Variants in CRHR1 observed in about 807,000 individuals in gnomAD.
CRHR1 encodes corticotropin releasing hormone receptor 1.
CRHR1 carries 28 observed loss-of-function variants against 56.0 expected under a neutral mutation model. The ratio of observed to expected loss-of-function variants is 0.50; its 90% CI spans 0.37 to 0.69. CRHR1 has a LOEUF of 0.69. CRHR1 is among the 30% of genes least tolerant of loss of function. The pLI is 0.00. For missense variants in CRHR1, 376 were observed against 548.0 expected, an observed-to-expected ratio of 0.69 and a Z score of 3.13; for synonymous variants, 195 against 216.5, an observed-to-expected ratio of 0.90 and a Z score of 0.87.
chr17:45,831,741 A>G (rs2143252337), intron 8 of CRHR1, among the ~76,000 whole-genome samples: 1 of 152,316 alleles, frequency 6.6e-6, no homozygotes, highest in South Asian at 2.1e-4. Flanking sequence ...GTGGACATGG[A>G]TGGCAGGGGA....
rs1436481134 is a variant in CRHR1 at position 45,784,660 on chromosome 17, TG to T, written c.33+88del. ...GGACGGGGCTGGGCTGTGGGTGTGA[TG>T]GGGGCGGGGGCGCTGGGAGAGCCGT... On this transcript the variant is annotated intron_variant, in intron 1 of 12. Coordinates refer to ENST00000314537, the MANE Select transcript of CRHR1 (RefSeq NM_004382.5). This position sits in a 1 kb window ranked among gnomAD's most constrained non-coding sequence, Gnocchi z 4.2. The T allele has an allele frequency of 7.9e-6, 11 of 1,387,762 alleles. No homozygotes were observed. The highest frequency in any genetic ancestry group is 1.4e-5 in the South Asian group (1 of 70,036). The allele number at this position is 1,387,762 out of a possible 1,614,324, so 86.0% of individuals were successfully genotyped here. A position where few individuals can be genotyped will look rare whatever the true frequency, so the allele number is the denominator to read the frequency against.
intron 3 of CRHR1, among the ~76,000 whole-genome samples, chr17:45,818,623 G>C (rs1355916020): frequency 3.3e-5 from 5 of 152,202 alleles, no homozygotes. Context: ...CTCGACATGG[G>C]GTCAGTCTGT....
chr17:45,784,488 C>T lies in CRHR1; in HGVS notation c.-57C>T, dbSNP rs1458614971. The T allele has an allele frequency of 1.0e-5, 15 of 1,492,960 alleles. No homozygotes were observed. The Admixed American group carries it at 1.1e-4, about 11-fold the overall frequency. The allele number at this position is 1,492,960 out of a possible 1,614,324, so 92.5% of individuals were successfully genotyped here. A position where few individuals can be genotyped will look rare whatever the true frequency, so the allele number is the denominator to read the frequency against. ...CCGAGCCCGCAGCCGCCCGCCGGTCCCTCTGGGATGTCCGTAGGACCCGGG... is the reference window on the plus strand; with the variant it reads ...CCGAGCCCGCAGCCGCCCGCCGGTCTCTCTGGGATGTCCGTAGGACCCGGG... On this transcript the variant is annotated 5_prime_UTR_variant, in exon 1 of 13. Transcript: ENST00000314537. The surrounding 1 kb of genome is among the most constrained non-coding windows in gnomAD (Gnocchi z 4.2).
intron 1 of CRHR1, among the ~76,000 whole-genome samples, chr17:45,788,225 G>T (rs1411180103): frequency 6.6e-6 from 1 of 152,214 alleles, no homozygotes; most frequent in African/African-American, 2.4e-5. Context: ...AAGACCATCA[G>T]CCTGGGAGTC....
intron 1 of CRHR1, among the ~76,000 whole-genome samples, chr17:45,797,876 A>C (rs1316229615): frequency 6.6e-6 from 1 of 152,168 alleles, no homozygotes; most frequent in Non-Finnish European, 1.5e-5. Context: ...AGATGAGGTA[A>C]CTGAGGTGGG....
intron 1 of CRHR1, among the ~76,000 whole-genome samples, chr17:45,805,768 C>T (rs1335327302): frequency 6.6e-6 from 1 of 152,152 alleles, no homozygotes; most frequent in African/African-American, 2.4e-5. Flanking sequence ...TCTCCCTGCC[C>T]CTCACTCATG....
At chr17:45,827,367 C>T (rs1482058376) in intron 4 of CRHR1, among the ~76,000 whole-genome samples, 7 of 152,238 alleles carry the variant, frequency 4.6e-5, no homozygotes, top group Admixed American at 4.6e-4. Context: ...TTGTGCCATG[C>T]TCGGCTCCAC....
intron 1 of CRHR1, chr17:45,799,461 T>C (rs144423321): frequency 6.6e-6 from 1 of 152,326 alleles, no homozygotes; most frequent in East Asian, 1.9e-4. Flanking sequence ...TCATTTCTTT[T>C]TCGCGTTTAG....
intron 12 of CRHR1, 66 bp from the exon 13 acceptor site, chr17:45,834,558 G>A (rs890193068): frequency 2.3e-5 from 36 of 1,535,276 alleles, no homozygotes; most frequent in Middle Eastern, 2.1e-4. Context: ...TGCTCGTGGC[G>A]GCCCAGGGGA....
rs533426132 is a variant in CRHR1, at chr17:45,812,354, C to T, written c.122-4109C>T. 5.9e-5 allele frequency among the ~76,000 whole-genome samples: 9 copies of T among 152,304 alleles called. No individual in the cohort carries two copies. The South Asian group carries it at 1.2e-3, about 21-fold the overall frequency. On this transcript the variant is annotated intron_variant, in intron 2 of 12. Transcript: ENST00000314537. ...TGTGGGACAGGGAGCTGTCAGGAGG[C>T]GTTGGCACCTAACAGCACCTCTGCC...
intron 9 of CRHR1, 65 bp from the exon 10 acceptor site, chr17:45,833,387 G>C (rs774549545): frequency 1.5e-5 from 23 of 1,557,772 alleles, no homozygotes; most frequent in East Asian, 2.2e-5. Context: ...ACTGAGGCCA[G>C]AGCTGAGAAG....
intron 1 of CRHR1, among the ~76,000 whole-genome samples, chr17:45,790,541 T>G (rs2061407881): frequency 6.6e-6 from 1 of 152,244 alleles, no homozygotes. Context: ...TTGCGGCTGT[T>G]CTTTCTGCCC....
At chr17:45,818,921 G>A (rs549749332) in intron 3 of CRHR1, among the ~76,000 whole-genome samples, 69 of 152,228 alleles carry the variant, frequency 4.5e-4, no homozygotes, top group Admixed American at 7.8e-4. Context: ...CAAGGAGGTC[G>A]CATCCTCCCT....
intron 9 of CRHR1, 76 bp downstream of exon 9, chr17:45,833,286 C>A (rs1474613244): frequency 1.3e-6 from 2 of 1,545,624 alleles, no homozygotes; most frequent in Non-Finnish European, 8.9e-7. Context: ...ACAGAAAGGA[C>A]TCCTCTACCT....
intron 8 of CRHR1, 34 bp from the exon 9 acceptor site, chr17:45,833,104 G>T (rs1367427400): frequency 6.3e-7 from 1 of 1,582,920 alleles, no homozygotes; most frequent in Admixed American, 1.7e-5. Context: ...GGACGCAGAT[G>T]ACCCTTCCTC....
At chr17:45,802,972 C>T (rs545073939) in intron 1 of CRHR1, among the ~76,000 whole-genome samples, 1 of 152,278 alleles carries the variant, frequency 6.6e-6, no homozygotes, top group African/African-American at 2.4e-5. Context: ...AAGTGCTCTA[C>T]TTGTGAGCCT....
At chr17:45,802,018 TG>T (rs1275314525) in intron 1 of CRHR1, among the ~76,000 whole-genome samples, 10 of 151,994 alleles carry the variant, frequency 6.6e-5, no homozygotes, top group African/African-American at 2.4e-4. Flanking sequence ...TTTTTTTTTT[TG>T]TTTGTTTTGT....
chr17:45,820,984 A>C (rs527254510), intron 3 of CRHR1, among the ~76,000 whole-genome samples: 1 of 148,530 alleles, frequency 6.7e-6, no homozygotes, highest in South Asian at 2.1e-4. Context: ...GCTGTCTTGC[A>C]AGACCCCTGA....
intron 5 of CRHR1, 31 bp from the exon 6 acceptor site, chr17:45,830,063 C>T: frequency 6.2e-7 from 1 of 1,613,598 alleles, no homozygotes; most frequent in Non-Finnish European, 8.5e-7. Context: ...TCTCCTATCG[C>T]TCCCATCATC....
Sources: allele counts gnomAD v4.1 joint callset (sites outside exome capture counted in the v4.1 genomes callset), GRCh38; gene constraint gnomAD v4.1.1; non-coding constraint Gnocchi (gnomAD v3.1); transcripts MANE v1.5; gene names NCBI Gene and HGNC (gene_info 2026-07-23, HGNC 2026-07-21).